Variants in CIT observed in about 807,000 individuals in gnomAD.
CIT encodes the protein citron rho-interacting serine/threonine kinase, also known as citron Rho-interacting kinase.
CIT carries 79 observed loss-of-function variants against 272.7 expected under a neutral mutation model. That is an observed-to-expected ratio of 0.29 (90% CI 0.24 to 0.35). The LOEUF (loss-of-function observed/expected upper bound fraction) is 0.35. CIT is among the 10% of genes least tolerant of loss of function. The pLI is 1.00. For synonymous variants in CIT, 948 were observed against 995.6 expected (o/e 0.95, Z 0.90); for missense variants, 1,909 against 2,618.3 (o/e 0.73, Z 5.91).
intron 7 of CIT, among the ~76,000 whole-genome samples, chr12:119,826,003 G>T (rs1486588961): frequency 6.6e-6 from 1 of 152,200 alleles, no homozygotes; most frequent in East Asian, 1.9e-4. Flanking sequence ...GGGAGGCGGA[G>T]GTTGCAGTGA....
At chr12:119,845,435 C>G (rs1969725103) in intron 5 of CIT, among the ~76,000 whole-genome samples, 1 of 151,488 alleles carries the variant, frequency 6.6e-6, no homozygotes, top group African/African-American at 2.4e-5. Context: ...GGCGGATCAC[C>G]TGGGGTCAGG....
At chr12:119,830,181 T>A (rs1968507533) in intron 7 of CIT, among the ~76,000 whole-genome samples, 1 of 151,068 alleles carries the variant, frequency 6.6e-6, no homozygotes, top group Admixed American at 6.6e-5. Context: ...AAATTCCTTA[T>A]CTGCCTGTCA....
chr12:119,815,870 G>A (rs774670529), intron 9 of CIT, among the ~76,000 whole-genome samples: 4 of 152,140 alleles, frequency 2.6e-5, no homozygotes, highest in Non-Finnish European at 5.9e-5. Flanking sequence ...GGGTGGGAAG[G>A]AGGCATTTTT....
rs1955651940 is a variant in CIT, at chr12:119,687,621, A to G, written c.*611T>C. 6.6e-6 allele frequency: 1 copy of G among 152,444 alleles called. No individual in the cohort carries two copies. The highest frequency in any genetic ancestry group is 2.4e-5 in the African/African-American group (1 of 41,404). 9.4% of individuals were successfully genotyped at this position (152,444 alleles called of 1,614,324 possible). On this transcript the variant is annotated 3_prime_UTR_variant, in exon 48 of 48. Coordinates refer to ENST00000392521, the MANE Select transcript of CIT (RefSeq NM_001206999.2). The stretch of plus-strand genomic sequence containing the variant: ...CACCCTGGGGAAAGCAGGGCCATCT[A>G]TGAGAATGAACAGGAACAAGGATGA...
At chr12:119,803,442 G>A in intron 9 of CIT, 53 bp from the exon 10 acceptor site, 1 of 1,297,196 alleles carries the variant, frequency 7.7e-7, no homozygotes. Context: ...ATTTCAGCCG[G>A]ATTCAACACT....
intron 26 of CIT, among the ~76,000 whole-genome samples, chr12:119,732,966 C>T (rs1234831467): frequency 6.6e-6 from 1 of 152,206 alleles, no homozygotes; most frequent in African/African-American, 2.4e-5. Context: ...CCATTTCTTT[C>T]CATCTGTGAA....
At chr12:119,843,098 G>A (rs1437236656) in intron 5 of CIT, among the ~76,000 whole-genome samples, 2 of 152,200 alleles carry the variant, frequency 1.3e-5, no homozygotes, top group African/African-American at 4.8e-5. Context: ...GAAAGAGAAA[G>A]AGGAGTTAGC....
chr12:119,877,151 G>T (rs1020582462), intron 1 of CIT, 98 bp downstream of exon 1: 2 of 152,280 alleles, frequency 1.3e-5, no homozygotes, highest in African/African-American at 4.8e-5. Context: ...CCTCCCCGGG[G>T]CGGGAGGGAA....
At chr12:119,732,296 T>C (rs1235013659) in intron 26 of CIT, among the ~76,000 whole-genome samples, 2 of 152,238 alleles carry the variant, frequency 1.3e-5, no homozygotes. Context: ...CTAATGCTAG[T>C]CTTCCTGAGA....
chr12:119,688,400 C>G lies in CIT; in HGVS notation c.6187-145G>C, dbSNP rs1955701759. ...AGTGCTTGGCAGGGCAGCACCCGCT[C>G]CAGAGCCTGGGGAAGCCAGGGAGTG... On this transcript the variant is annotated intron_variant, in intron 47 of 47. Transcript: ENST00000392521. 3 of 780,314 alleles carry G rather than the reference C, an allele frequency of 3.8e-6. No homozygotes were observed. In the Admixed American group the frequency reaches 7.0e-5, roughly 18 times the overall value. 48.3% of individuals were successfully genotyped at this position (780,314 alleles called of 1,614,324 possible).
intron 28 of CIT, among the ~76,000 whole-genome samples, chr12:119,725,513 C>T (rs1958045255): frequency 6.6e-6 from 1 of 152,230 alleles, no homozygotes; most frequent in Non-Finnish European, 1.5e-5. Context: ...TATGCTTATA[C>T]AGCACACACC....
chr12:119,776,422 G>A lies in CIT; in HGVS notation c.1837-14C>T, dbSNP rs755100637. On this transcript the variant is annotated splice_polypyrimidine_tract_variant and intron_variant, in intron 14 of 47. Transcript: ENST00000392521. ...TTGATCCTTAGCCTGTAATTAAAAA[G>A]ACACAACATATTGGGAAATCTCAAC... 6.2e-7 allele frequency: 1 copy of A among 1,611,172 alleles called. No individual in the cohort carries two copies. Among genetic ancestry groups the A allele is most frequent in the South Asian group, 1.1e-5 (1 of 90,872 alleles).
chr12:119,737,545 T>G (rs1251837646), intron 24 of CIT, among the ~76,000 whole-genome samples: 1 of 152,122 alleles, frequency 6.6e-6, no homozygotes, highest in African/African-American at 2.4e-5. Flanking sequence ...AAAGTTATAT[T>G]ATAAAATGCT....
At chr12:119,840,290 C>G (rs1272705452) in intron 5 of CIT, among the ~76,000 whole-genome samples, 2 of 152,176 alleles carry the variant, frequency 1.3e-5, no homozygotes, top group Non-Finnish European at 2.9e-5. Flanking sequence ...TGCACTCCAG[C>G]TTGGATGACA....
chr12:119,839,401 C>G (rs1327264313), intron 5 of CIT, among the ~76,000 whole-genome samples: 1 of 152,172 alleles, frequency 6.6e-6, no homozygotes, highest in East Asian at 1.9e-4. Flanking sequence ...TTTGCACGCT[C>G]AGCACAACTG....
chr12:119,793,687 G>C (rs1965502937), intron 10 of CIT, among the ~76,000 whole-genome samples: 1 of 152,214 alleles, frequency 6.6e-6, no homozygotes, highest in East Asian at 1.9e-4. Flanking sequence ...TCCTCTCTCT[G>C]GAATACTCTT....
At chr12:119,849,851 A>C (rs1030312858) in intron 5 of CIT, among the ~76,000 whole-genome samples, 4 of 152,068 alleles carry the variant, frequency 2.6e-5, no homozygotes, top group Non-Finnish European at 5.9e-5. Flanking sequence ...ATGCCCGGCT[A>C]ATTTTTCTGT....
At chr12:119,724,728 A>G (rs1345294899) in intron 28 of CIT, among the ~76,000 whole-genome samples, 1 of 152,112 alleles carries the variant, frequency 6.6e-6, no homozygotes. Context: ...TCACGAGGTC[A>G]AGAGATCGAG....
intron 22 of CIT, among the ~76,000 whole-genome samples, chr12:119,755,655 G>A (rs1246322428): frequency 6.6e-6 from 1 of 152,204 alleles, no homozygotes; most frequent in Non-Finnish European, 1.5e-5. Flanking sequence ...GTCAGGAACA[G>A]GTCTGTCTTG....
Sources: gnomAD v4.1 joint callset for allele counts (sites outside exome capture counted in the v4.1 genomes callset) on GRCh38, gnomAD v4.1.1 for gene constraint, MANE v1.5 for transcripts, NCBI Gene and HGNC (gene_info 2026-07-23, HGNC 2026-07-21) for gene names.